Variants in KCNQ1OT1 observed in about 807,000 individuals in gnomAD.
KCNQ1OT1 encodes KCNQ1 opposite strand/antisense transcript 1.
exon 1 of KCNQ1OT1, chr11:2,675,088 G>C (rs1564854259): frequency 2.5e-6 from 1 of 398,532 alleles, no homozygotes; most frequent in Non-Finnish European, 4.4e-6. Flanking sequence ...GTGTGGGCAT[G>C]TCCTGAGTGG....
chr11:2,615,876 C>T, exon 1 of KCNQ1OT1: 1 of 398,050 alleles, frequency 2.5e-6, no homozygotes, highest in Non-Finnish European at 4.4e-6. Context: ...ATACTGGCCT[C>T]ATAGAATGTA....
exon 1 of KCNQ1OT1, chr11:2,684,509 T>A: frequency 2.5e-6 from 1 of 398,664 alleles, no homozygotes; most frequent in Non-Finnish European, 4.4e-6. Context: ...TTCCTCCTAT[T>A]CCACTGTTAG....
exon 1 of KCNQ1OT1, chr11:2,614,386 A>G (rs1849027198): frequency 7.5e-6 from 3 of 398,438 alleles, no homozygotes; most frequent in Non-Finnish European, 1.3e-5. Flanking sequence ...CCATTTCAAA[A>G]TGTACAATTC....
exon 1 of KCNQ1OT1, chr11:2,609,230 T>C: frequency 2.5e-6 from 1 of 398,306 alleles, no homozygotes; most frequent in East Asian, 3.6e-5. Flanking sequence ...TATCTTCATT[T>C]TCATTAATCT....
At position 2,659,676 on chromosome 11, in the gene KCNQ1OT1, A is replaced by G; in HGVS notation, n.40319T>C. 2.5e-6 allele frequency: 1 copy of G among 398,510 alleles called. No individual in the cohort carries two copies. Among genetic ancestry groups the G allele is most frequent in the Non-Finnish European group, 4.4e-6 (1 of 226,014 alleles). 24.7% of individuals were successfully genotyped at this position (398,510 alleles called of 1,614,324 possible). A position where few individuals can be genotyped will look rare whatever the true frequency, so the allele number is the denominator to read the frequency against. On this transcript the variant is annotated non_coding_transcript_exon_variant, in exon 1 of 1. Coordinates refer to ENST00000597346, the Ensembl canonical transcript of KCNQ1OT1. The surrounding 1 kb of genome is among the most constrained non-coding windows in gnomAD (Gnocchi z 4.3). ...TAACTTAATAAGAAATTGCTAAACT[A>G]TTTCCTAAAGTCACTGTGCCATTTT... is the stretch of plus-strand genomic sequence containing the variant.
Position 2,658,128 on chromosome 11 carries a change from A to G in KCNQ1OT1, n.41867T>C, listed in dbSNP as rs1473593731. 6 of 398,464 alleles carry G rather than the reference A, an allele frequency of 1.5e-5. No homozygotes were observed. The highest frequency in any genetic ancestry group is 4.4e-5 in the Admixed American group (1 of 22,718). 24.7% of individuals were successfully genotyped at this position (398,464 alleles called of 1,614,324 possible). A position where few individuals can be genotyped will look rare whatever the true frequency, so the allele number is the denominator to read the frequency against. On this transcript the variant is annotated non_coding_transcript_exon_variant, in exon 1 of 1. Transcript: ENST00000597346. This position sits in a 1 kb window ranked among gnomAD's most constrained non-coding sequence, Gnocchi z 4.9. ...AGAGTATCAAAAAAAATCTGCAAAT[A>G]TGTTAAAACTACCACAGCAATTAAA...
In KCNQ1OT1 at chr11:2,624,489, C is replaced by T. The variant is rs1211622918; in HGVS notation, n.75506G>A. The T allele has an allele frequency of 2.5e-6, 1 of 398,362 alleles. No individual in the cohort carries two copies. Among genetic ancestry groups the T allele is most frequent in the African/African-American group, 2.1e-5 (1 of 48,600 alleles). 24.7% of individuals were successfully genotyped at this position (398,362 alleles called of 1,614,324 possible). A position where few individuals can be genotyped will look rare whatever the true frequency, so the allele number is the denominator to read the frequency against. Reference sequence around the variant, plus strand: ...TGGTGTCATATCTAAAAAGCCATCACCAAACTAAAGATCATCTAGATTTCT... The same window carrying T: ...TGGTGTCATATCTAAAAAGCCATCATCAAACTAAAGATCATCTAGATTTCT... On this transcript the variant is annotated non_coding_transcript_exon_variant, in exon 1 of 1. Coordinates refer to ENST00000597346, the Ensembl canonical transcript of KCNQ1OT1. The surrounding 1 kb of genome is among the most constrained non-coding windows in gnomAD (Gnocchi z 4.9).
rs1850717300 is a variant in KCNQ1OT1 at position 2,698,612 on chromosome 11, A to G, written n.1383T>C. On this transcript the variant is annotated non_coding_transcript_exon_variant, in exon 1 of 1. Coordinates refer to ENST00000597346, the Ensembl canonical transcript of KCNQ1OT1. This position sits in a 1 kb window ranked among gnomAD's most constrained non-coding sequence, Gnocchi z 5.1. ...GGCAGAACTTCGACTTCAATTCCTG[A>G]CTCCCATACCCCACTGAGACCTCTA... is the stretch of plus-strand genomic sequence containing the variant. 1 of 396,796 alleles carries G rather than the reference A, an allele frequency of 2.5e-6. No homozygotes were observed. Among genetic ancestry groups the G allele is most frequent in the East Asian group, 3.6e-5 (1 of 28,002 alleles). 24.6% of individuals were successfully genotyped at this position (396,796 alleles called of 1,614,324 possible).
At position 2,656,623 on chromosome 11, in the gene KCNQ1OT1, T is replaced by C. The variant is rs1590011116; in HGVS notation, n.43372A>G. 7.5e-6 allele frequency: 3 copies of C among 398,640 alleles called. No individual in the cohort carries two copies. The East Asian group carries it at 1.1e-4, about 14-fold the overall frequency. 24.7% of individuals were successfully genotyped at this position (398,640 alleles called of 1,614,324 possible). The stretch of plus-strand genomic sequence containing the variant: ...TGTCTATTGCCCATTTTCTATTAAG[T>C]CATTTATATTTTTCCTATTGATTTG... On this transcript the variant is annotated non_coding_transcript_exon_variant, in exon 1 of 1. Coordinates refer to ENST00000597346, the Ensembl canonical transcript of KCNQ1OT1.
rs1486168846 is a variant in KCNQ1OT1 at position 2,608,930 on chromosome 11, C to T, written n.91065G>A. On this transcript the variant is annotated non_coding_transcript_exon_variant, in exon 1 of 1. Coordinates refer to ENST00000597346, the Ensembl canonical transcript of KCNQ1OT1. This position sits in a 1 kb window ranked among gnomAD's most constrained non-coding sequence, Gnocchi z 4.6. The stretch of plus-strand genomic sequence containing the variant: ...TTTCTTCCTCCCCTTCTTTTCTTCT[C>T]CCTCTCCCTCTCTCTTACCAATCTA... 2.5e-6 allele frequency: 1 copy of T among 398,240 alleles called. No individual in the cohort carries two copies. Among genetic ancestry groups the T allele is most frequent in the Non-Finnish European group, 4.4e-6 (1 of 226,040 alleles). 24.7% of individuals were successfully genotyped at this position (398,240 alleles called of 1,614,324 possible).
chr11:2,655,092 A>T, exon 1 of KCNQ1OT1: 1 of 398,602 alleles, frequency 2.5e-6, no homozygotes, highest in Non-Finnish European at 4.4e-6. Flanking sequence ...ATTTTTAAAA[A>T]AATAAAATTC....
At position 2,666,855 on chromosome 11, in the gene KCNQ1OT1, T is replaced by C. The variant is rs16928525; in HGVS notation, n.33140A>G. On this transcript the variant is annotated non_coding_transcript_exon_variant, in exon 1 of 1. Coordinates refer to ENST00000597346, the Ensembl canonical transcript of KCNQ1OT1. Reference sequence around the variant, plus strand: ...GGGAACCAGTGTCCAGAAGGATGAGTGAGGGGCTTGTCAAGAACAGATGAG... The same window carrying C: ...GGGAACCAGTGTCCAGAAGGATGAGCGAGGGGCTTGTCAAGAACAGATGAG... 7,426 of 398,560 alleles carry C rather than the reference T, an allele frequency of 0.019. 488 individuals carry two copies. Among genetic ancestry groups the C allele is most frequent in the African/African-American group, 0.14 (6,595 of 48,696 alleles). The allele number at this position is 398,560 out of a possible 1,614,324, so 24.7% of individuals were successfully genotyped here.
chr11:2,676,687 T>C lies in KCNQ1OT1; in HGVS notation n.23308A>G. ...TGAGTATTTCCAAGGGAGCACTAACTGGACTACAGCCTGGCAGGAGATAAC... is the reference window on the plus strand; with the variant it reads ...TGAGTATTTCCAAGGGAGCACTAACCGGACTACAGCCTGGCAGGAGATAAC... On this transcript the variant is annotated non_coding_transcript_exon_variant, in exon 1 of 1. Transcript: ENST00000597346. This position sits in a 1 kb window ranked among gnomAD's most constrained non-coding sequence, Gnocchi z 4.2. The C allele has an allele frequency of 2.5e-6, 1 of 398,670 alleles. No homozygotes were observed. Among genetic ancestry groups the C allele is most frequent in the Non-Finnish European group, 4.4e-6 (1 of 226,078 alleles). 24.7% of individuals were successfully genotyped at this position (398,670 alleles called of 1,614,324 possible).
At position 2,658,767 on chromosome 11, in the gene KCNQ1OT1, T is replaced by C; in HGVS notation, n.41228A>G. On this transcript the variant is annotated non_coding_transcript_exon_variant, in exon 1 of 1. Coordinates refer to ENST00000597346, the Ensembl canonical transcript of KCNQ1OT1. This position sits in a 1 kb window ranked among gnomAD's most constrained non-coding sequence, Gnocchi z 4.9. Reference sequence around the variant, plus strand: ...TATAAAGCTAACCATGAGTTCATACTGACATTTCTGACCAGAGTTCATCCT... The same window carrying C: ...TATAAAGCTAACCATGAGTTCATACCGACATTTCTGACCAGAGTTCATCCT... The C allele has an allele frequency of 2.5e-6, 1 of 398,612 alleles. No individual in the cohort carries two copies. The highest frequency in any genetic ancestry group is 4.4e-6 in the Non-Finnish European group (1 of 226,066). The allele number at this position is 398,612 out of a possible 1,614,324, so 24.7% of individuals were successfully genotyped here.
chr11:2,691,296 A>C lies in KCNQ1OT1; in HGVS notation n.8699T>G. The C allele has an allele frequency of 2.5e-6, 1 of 398,594 alleles. No homozygotes were observed. Among genetic ancestry groups the C allele is most frequent in the Non-Finnish European group, 4.4e-6 (1 of 226,078 alleles). 24.7% of individuals were successfully genotyped at this position (398,594 alleles called of 1,614,324 possible). On this transcript the variant is annotated non_coding_transcript_exon_variant, in exon 1 of 1. Coordinates refer to ENST00000597346, the Ensembl canonical transcript of KCNQ1OT1. The surrounding 1 kb of genome is among the most constrained non-coding windows in gnomAD (Gnocchi z 6.4). Reference sequence around the variant, plus strand: ...TAATCAGGAAGGAGAGCTGACAAGAAAAAGGCGATGTCTCACCCCTGAGCT... The same window carrying C: ...TAATCAGGAAGGAGAGCTGACAAGACAAAGGCGATGTCTCACCCCTGAGCT...
rs544002697 is a variant in KCNQ1OT1 at position 2,673,459 on chromosome 11, G to A, written n.26536C>T. ...ACTTGGTGTTGGGCCTCCTTGAGCC[G>A]GAACACCTGAAAAGCCATACAGACT... is the stretch of plus-strand genomic sequence containing the variant. On this transcript the variant is annotated non_coding_transcript_exon_variant, in exon 1 of 1. Coordinates refer to ENST00000597346, the Ensembl canonical transcript of KCNQ1OT1. The surrounding 1 kb of genome is among the most constrained non-coding windows in gnomAD (Gnocchi z 4.5). 4.3e-5 allele frequency: 17 copies of A among 398,660 alleles called. No individual in the cohort carries two copies. Among genetic ancestry groups the A allele is most frequent in the East Asian group, 2.5e-4 (7 of 28,082 alleles). The allele number at this position is 398,660 out of a possible 1,614,324, so 24.7% of individuals were successfully genotyped here.
rs1849818159 is a variant in KCNQ1OT1, at chr11:2,654,932, CAGG to C, written n.45060_45062del. On this transcript the variant is annotated non_coding_transcript_exon_variant, in exon 1 of 1. Coordinates refer to ENST00000597346, the Ensembl canonical transcript of KCNQ1OT1. This position sits in a 1 kb window ranked among gnomAD's most constrained non-coding sequence, Gnocchi z 6.4. The stretch of plus-strand genomic sequence containing the variant: ...TGGGCCAGAGAGCAAGGCACAGATA[CAGG>C]AGACTTCCACAAATTATTGTTTCTT... 1 of 398,446 alleles carries C rather than the reference CAGG, an allele frequency of 2.5e-6. No individual in the cohort carries two copies. The highest frequency in any genetic ancestry group is 2.1e-5 in the African/African-American group (1 of 48,590). 24.7% of individuals were successfully genotyped at this position (398,446 alleles called of 1,614,324 possible).
rs894642826 is a variant in KCNQ1OT1, at chr11:2,645,940, C to G, written n.54055G>C. ...TCTGTAGGTAGCCTCTTGTTAGTCT[C>G]AAGGCATCTATGGGTCAGGGGGTTC... is the stretch of plus-strand genomic sequence containing the variant. On this transcript the variant is annotated non_coding_transcript_exon_variant, in exon 1 of 1. Coordinates refer to ENST00000597346, the Ensembl canonical transcript of KCNQ1OT1. The surrounding 1 kb of genome is among the most constrained non-coding windows in gnomAD (Gnocchi z 5.8). 1.8e-5 allele frequency: 7 copies of G among 398,478 alleles called. No homozygotes were observed. The highest frequency in any genetic ancestry group is 2.7e-5 in the Non-Finnish European group (6 of 226,084). The allele number at this position is 398,478 out of a possible 1,614,324, so 24.7% of individuals were successfully genotyped here.
At position 2,671,302 on chromosome 11, in the gene KCNQ1OT1, C is replaced by A. The variant is rs1196992283; in HGVS notation, n.28693G>T. 4.0e-5 allele frequency: 16 copies of A among 398,520 alleles called. No individual in the cohort carries two copies. Among genetic ancestry groups the A allele is most frequent in the Non-Finnish European group, 6.2e-5 (14 of 226,076 alleles). The allele number at this position is 398,520 out of a possible 1,614,324, so 24.7% of individuals were successfully genotyped here. A position where few individuals can be genotyped will look rare whatever the true frequency, so the allele number is the denominator to read the frequency against. On this transcript the variant is annotated non_coding_transcript_exon_variant, in exon 1 of 1. Transcript: ENST00000597346. The surrounding 1 kb of genome is among the most constrained non-coding windows in gnomAD (Gnocchi z 4.7). ...GCCTCTGATCTTCTCCATAAGTAAT[C>A]TTTTCCCATGTGTGGCTGCAGCCTC... is the stretch of plus-strand genomic sequence containing the variant.
Sources: gnomAD v4.1 joint callset for allele counts on GRCh38, gnomAD v4.1.1 for gene constraint, Gnocchi (gnomAD v3.1) non-coding constraint, MANE v1.5 for transcripts, NCBI Gene and HGNC (gene_info 2026-07-23, HGNC 2026-07-21) for gene names.